The following HAO1 variants were observed in gnomAD, a reference collection of about 807,000 sequenced individuals.
HAO1 encodes the protein 2-Hydroxyacid oxidase 1.
Under a neutral mutation model 39.7 loss-of-function variants are expected in HAO1, and 34 were observed. The observed-to-expected ratio is 0.86, with a 90% CI of 0.65 to 1.14. The LOEUF is 1.14. Among genes scored for constraint, HAO1 ranks in the 50% most tolerant of loss-of-function variants. The pLI is 0.00. For synonymous variants in HAO1, 172 were observed against 173.2 expected, an observed-to-expected ratio of 0.99 and a Z score of 0.05; for missense variants, 479 against 464.5, an observed-to-expected ratio of 1.03 and a Z score of -0.29.
chr20:7,903,517 T>C (rs528796102), intron 4 of HAO1, among the ~76,000 whole-genome samples: 27 of 151,600 alleles, frequency 1.8e-4, no homozygotes, highest in African/African-American at 6.5e-4. Flanking sequence ...GTGGTAGTGG[T>C]GATACTGGTG....
intron 5 of HAO1, among the ~76,000 whole-genome samples, chr20:7,887,718 A>G (rs1222925029): frequency 6.6e-6 from 1 of 152,166 alleles, no homozygotes; most frequent in Non-Finnish European, 1.5e-5. Flanking sequence ...ACACATTTTC[A>G]AAGTCAGTCA....
chr20:7,930,474 G>C (rs1383784000), intron 2 of HAO1, among the ~76,000 whole-genome samples: 1 of 152,096 alleles, frequency 6.6e-6, no homozygotes, highest in Non-Finnish European at 1.5e-5. Context: ...CCTTCAGTTA[G>C]CTATTATCCT....
chr20:7,940,253 TA>T, intron 1 of HAO1, 32 bp downstream of exon 1: 1 of 1,553,452 alleles, frequency 6.4e-7, no homozygotes. Context: ...TGTGTAATTT[TA>T]AAACATGATT....
intron 2 of HAO1, among the ~76,000 whole-genome samples, chr20:7,915,475 A>G (rs1481011072): frequency 6.6e-6 from 1 of 152,208 alleles, no homozygotes; most frequent in Non-Finnish European, 1.5e-5. Context: ...TGCAACATCA[A>G]CATTTCCCTG....
intron 2 of HAO1, among the ~76,000 whole-genome samples, chr20:7,916,055 G>A (rs2050305630): frequency 6.6e-6 from 1 of 152,070 alleles, no homozygotes; most frequent in African/African-American, 2.4e-5. Flanking sequence ...ACATTTTGGG[G>A]GGAAAGGTAG....
At position 7,883,493 on chromosome 20, in the gene HAO1, G is replaced by T; in HGVS notation, c.*100C>A. On this transcript the variant is annotated 3_prime_UTR_variant, in exon 8 of 8. Coordinates refer to ENST00000378789, the MANE Select transcript of HAO1 (RefSeq NM_017545.3). ...AAAGAACGACACCCTTTGTATTGAA[G>T]TGGGGAATTACAGACTGTGGTCACC... 1.2e-6 allele frequency: 1 copy of T among 849,978 alleles called. No homozygotes were observed. The highest frequency in any genetic ancestry group is 2.0e-6 in the Non-Finnish European group (1 of 488,466). The allele number at this position is 849,978 out of a possible 1,614,324, so 52.7% of individuals were successfully genotyped here.
chr20:7,928,011 C>T (rs779466432), intron 2 of HAO1, among the ~76,000 whole-genome samples: 16 of 152,238 alleles, frequency 1.1e-4, no homozygotes, highest in South Asian at 2.1e-4. Flanking sequence ...AGTCAAATTG[C>T]GTGGCACATA....
At chr20:7,925,351 T>C (rs999640976) in intron 2 of HAO1, among the ~76,000 whole-genome samples, 3 of 152,152 alleles carry the variant, frequency 2.0e-5, no homozygotes, top group Non-Finnish European at 2.9e-5. Flanking sequence ...TCCGGAGCTA[T>C]ATAATCTTGA....
chr20:7,909,371 ATATATATG>A (rs1234358503), intron 3 of HAO1, among the ~76,000 whole-genome samples: 130 of 96,962 alleles, frequency 1.3e-3, no homozygotes, highest in African/African-American at 6.7e-3. Context: ...ATATATATAT[ATATATATG>A]TATATATATA....
intron 2 of HAO1, among the ~76,000 whole-genome samples, chr20:7,928,589 A>AC (rs143991784): frequency 0.013 from 1,980 of 151,626 alleles, 38 homozygotes; most frequent in African/African-American, 0.043. Flanking sequence ...TCAGTATCAC[A>AC]CCTAAGTTCT....
intron 4 of HAO1, among the ~76,000 whole-genome samples, chr20:7,898,777 A>G (rs2050208416): frequency 6.6e-6 from 1 of 152,060 alleles, no homozygotes; most frequent in Non-Finnish European, 1.5e-5. Context: ...CTCACCTTCA[A>G]TGTTTCCATG....
chr20:7,885,867 G>A lies in HAO1; in HGVS notation c.814-3C>T, dbSNP rs753706190. 5 of 1,611,940 alleles carry A rather than the reference G, an allele frequency of 3.1e-6. No individual in the cohort carries two copies. Among genetic ancestry groups the A allele is most frequent in the African/African-American group, 1.3e-5 (1 of 74,920 alleles). The stretch of plus-strand genomic sequence containing the variant: ...ACAATTTCTGGCAGAACATCAATCT[G>A]GGGAAAGAAAAGTTCAATAATGTGA... On this transcript the variant is annotated splice_polypyrimidine_tract_variant and splice_region_variant and intron_variant, in intron 5 of 7. Coordinates refer to ENST00000378789, the MANE Select transcript of HAO1 (RefSeq NM_017545.3).
intron 2 of HAO1, among the ~76,000 whole-genome samples, chr20:7,925,019 C>A (rs1227846019): frequency 6.6e-6 from 1 of 152,096 alleles, no homozygotes; most frequent in African/African-American, 2.4e-5. Flanking sequence ...ACCATAATGT[C>A]CATTGAGTGT....
At chr20:7,936,548 T>TGTGTGTGTGTGTGTGTGTC (rs1555775557) in intron 1 of HAO1, among the ~76,000 whole-genome samples, 1 of 50,722 alleles carries the variant, frequency 2.0e-5, no homozygotes, top group South Asian at 6.0e-4. Flanking sequence ...GTGTGTGTGT[T>TGTGTGTGTGTGTGTGTGTC]CGCGCGCGCG....
At chr20:7,919,397 A>T (rs976222089) in intron 2 of HAO1, among the ~76,000 whole-genome samples, 1 of 151,794 alleles carries the variant, frequency 6.6e-6, no homozygotes, top group Non-Finnish European at 1.5e-5. Flanking sequence ...ACAGTGATAC[A>T]CTGTGCCATT....
intron 4 of HAO1, among the ~76,000 whole-genome samples, chr20:7,899,820 T>A (rs944861193): frequency 6.6e-6 from 1 of 152,218 alleles, no homozygotes; most frequent in Non-Finnish European, 1.5e-5. Context: ...ATCTTGGATA[T>A]TTTTATTAAT....
intron 1 of HAO1, 120 bp from the exon 2 acceptor site, chr20:7,934,755 A>G: frequency 1.7e-6 from 1 of 599,360 alleles, no homozygotes; most frequent in Non-Finnish European, 2.8e-6. Context: ...AAACAAGCAA[A>G]TGACTTCATA....
intron 4 of HAO1, among the ~76,000 whole-genome samples, chr20:7,900,394 G>A (rs1286564472): frequency 2.6e-5 from 4 of 152,076 alleles, no homozygotes; most frequent in Non-Finnish European, 4.4e-5. Flanking sequence ...TGCTCAAGTG[G>A]CATTGTGGCA....
intron 3 of HAO1, among the ~76,000 whole-genome samples, chr20:7,907,163 T>C (rs191629180): frequency 6.6e-6 from 1 of 152,278 alleles, no homozygotes; most frequent in East Asian, 1.9e-4. Flanking sequence ...CTCCCCCTTT[T>C]AGTTGTTCTC....
Sources: gnomAD v4.1 joint callset for allele counts (sites outside exome capture counted in the v4.1 genomes callset) on GRCh38, gnomAD v4.1.1 for gene constraint, MANE v1.5 for transcripts, NCBI Gene and HGNC (gene_info 2026-07-23, HGNC 2026-07-21) for gene names.